The following DST variants were observed in gnomAD, a reference collection of about 807,000 sequenced individuals.
The protein encoded by DST is dystonin, also known as bullous pemphigoid antigen.
Under a neutral mutation model 875.2 loss-of-function variants are expected in DST, and 253 were observed. That is an observed-to-expected ratio of 0.29 (90% CI 0.26 to 0.32). The LOEUF (loss-of-function observed/expected upper bound fraction) is 0.32. DST is among the 10% of genes least tolerant of loss of function. DST has a pLI of 1.00. For synonymous variants in DST, 3,124 were observed against 3,197.1 expected (o/e 0.98, Z 0.77); for missense variants, 8,287 against 9,111.6 (o/e 0.91, Z 3.68).
At chr6:56,920,333 G>A (rs1592499438) in intron 2 of DST, among the ~76,000 whole-genome samples, 1 of 152,150 alleles carries the variant, frequency 6.6e-6, no homozygotes, top group Admixed American at 6.5e-5. Context: ...ATTCTTTTAA[G>A]GGCTTGACCT....
In DST at chr6:56,807,416, T is replaced by C. The variant is rs142657164; in HGVS notation, c.625+43981A>G. Among the ~76,000 whole-genome samples, 6 of 152,244 alleles carry C rather than the reference T, an allele frequency of 3.9e-5. No homozygotes were observed. In the East Asian group the frequency reaches 9.6e-4, roughly 24 times the overall value. Reference sequence around the variant, plus strand: ...TGATAAACTGATTTAAAAATTTACATGGAAATATAAAGGAACAGACTAGCC... The same window carrying C: ...TGATAAACTGATTTAAAAATTTACACGGAAATATAAAGGAACAGACTAGCC... On this transcript the variant is annotated intron_variant, in intron 4 of 103. Transcript: ENST00000680361.
rs1421697257 is a variant in DST, at chr6:56,605,453, C to T, written c.9175G>A (p.Glu3059Lys). The change falls in exon 40 of 104, where the codon GAA becomes AAA. Residue 3059 changes from glutamate to lysine, a missense_variant. Physicochemically the swap from Glu to Lys is moderately conservative, Grantham distance 56 (BLOSUM62 1). This residue lies in a region of DST where 3,138 missense variants were observed against 3,116.6 expected (regional missense o/e 1.01). Coordinates refer to ENST00000680361, the MANE Select transcript of DST (RefSeq NM_001374736.1). ...TCTACTAGACCTTCTACAAGCACTT[C>T]TCCTTCACCCAAGTACATTTTCTGA... ...SIQKMYLGEG[E>K]VLVEGLVEEE... is the part of the protein sequence containing the mutation. 1 of 1,612,962 alleles carries T rather than the reference C, an allele frequency of 6.2e-7. No homozygotes were observed. Among genetic ancestry groups the T allele is most frequent in the African/African-American group, 1.3e-5 (1 of 74,988 alleles).
chr6:56,821,977 G>A (rs896392100), intron 4 of DST, among the ~76,000 whole-genome samples: 5 of 109,512 alleles, frequency 4.6e-5, no homozygotes, highest in South Asian at 2.3e-4. Flanking sequence ...CTTTATCCAC[G>A]TTTATTAAGA....
chr6:56,693,545 T>C (rs1423740936), intron 9 of DST: 2 of 293,544 alleles, frequency 6.8e-6, no homozygotes, highest in Non-Finnish European at 1.0e-5. Flanking sequence ...CACTTAACCT[T>C]TGAAACTATT....
chr6:56,666,016 A>T (rs1280177827), intron 10 of DST, among the ~76,000 whole-genome samples: 1 of 152,192 alleles, frequency 6.6e-6, no homozygotes, highest in Non-Finnish European at 1.5e-5. Context: ...TTCATGGATC[A>T]TTTTTATTCT....
intron 95 of DST, among the ~76,000 whole-genome samples, chr6:56,470,601 G>GT (rs2152395587): frequency 6.6e-6 from 1 of 152,034 alleles, no homozygotes; most frequent in East Asian, 1.9e-4. Flanking sequence ...ATGACATCTA[G>GT]TAACATCTGT....
At chr6:56,632,143 T>A (rs2098786582) in intron 28 of DST, 103 bp from the exon 29 acceptor site, 1 of 785,758 alleles carries the variant, frequency 1.3e-6, no homozygotes, top group South Asian at 1.8e-5. Flanking sequence ...ACACAGCTAG[T>A]CAAGCAAATG....
chr6:56,499,808 T>C (rs1486264822), intron 80 of DST, among the ~76,000 whole-genome samples: 1 of 152,144 alleles, frequency 6.6e-6, no homozygotes, highest in African/African-American at 2.4e-5. Context: ...AGACAGTTGA[T>C]AGGTTTATAA....
intron 33 of DST, 21 bp from the exon 34 acceptor site, chr6:56,627,308 GAAC>G: frequency 6.5e-7 from 1 of 1,544,654 alleles, no homozygotes; most frequent in Non-Finnish European, 8.9e-7. Flanking sequence ...ACACAGTTTA[GAAC>G]AAAAATGACA....
chr6:56,647,961 C>T (rs113587441), intron 13 of DST, among the ~76,000 whole-genome samples: 11,862 of 152,140 alleles, frequency 0.078, 1,474 homozygotes, highest in African/African-American at 0.26. Context: ...GCTGGGATTA[C>T]GGGTGTGACC....
chr6:56,842,450 T>C (rs2099801308), intron 4 of DST, among the ~76,000 whole-genome samples: 1 of 152,206 alleles, frequency 6.6e-6, no homozygotes, highest in African/African-American at 2.4e-5. Context: ...CAGATTGGCA[T>C]AGAATTTCCT....
intron 48 of DST, among the ~76,000 whole-genome samples, chr6:56,593,284 G>A (rs776566672): frequency 3.3e-5 from 5 of 152,054 alleles, no homozygotes; most frequent in African/African-American, 4.8e-5. Flanking sequence ...GGGAAGCCGA[G>A]GTGAGCGGAT....
At chr6:56,871,408 C>G in intron 3 of DST, 1 of 1,557,616 alleles carries the variant, frequency 6.4e-7, no homozygotes, top group South Asian at 1.1e-5. Flanking sequence ...TGTGCCCAGG[C>G]CAAGCAGTGA....
intron 24 of DST, 46 bp from the exon 25 acceptor site, chr6:56,634,999 T>C (rs2098812247): frequency 1.4e-6 from 2 of 1,467,544 alleles, no homozygotes; most frequent in Admixed American, 1.7e-5. Flanking sequence ...AGACTTGTAC[T>C]CTCCATGCCT....
At chr6:56,649,311 T>TA (rs1007460908) in intron 12 of DST, among the ~76,000 whole-genome samples, 1 of 152,112 alleles carries the variant, frequency 6.6e-6, no homozygotes, top group South Asian at 2.1e-4. Context: ...AGTGTTATAA[T>TA]AAAAAAATAC....
At chr6:56,871,247 T>G (rs895544225) in intron 3 of DST, 16 of 773,532 alleles carry the variant, frequency 2.1e-5, no homozygotes, top group Non-Finnish European at 3.3e-5. Flanking sequence ...AATCAAGAGG[T>G]TCAAATCTTC....
chr6:56,843,724 G>GGTGGAGA (rs1315268165), intron 4 of DST: 7 of 331,128 alleles, frequency 2.1e-5, no homozygotes, highest in East Asian at 3.4e-4. Context: ...GAGGGTGGAG[G>GGTGGAGA]GTGGAGAGTG....
At position 56,494,136 on chromosome 6, in the gene DST, A is replaced by G. The variant is rs1016713343; in HGVS notation, c.20268T>C (p.Ser6756=). 1.2e-6 allele frequency: 2 copies of G among 1,610,052 alleles called. No homozygotes were observed. The highest frequency in any genetic ancestry group is 2.7e-5 in the African/African-American group (2 of 74,806). ...AFEAKEETYK[S]LMQKGQQMLA... is the part of the protein sequence containing the mutation. Reference sequence around the variant, plus strand: ...GCATCTGCTGGCCTTTCTGCATCAGACTCTTATATGTTTCTTCTTTAGCTT... The same window carrying G: ...GCATCTGCTGGCCTTTCTGCATCAGGCTCTTATATGTTTCTTCTTTAGCTT... Residue 6756 remains serine (S), a synonymous_variant, in exon 83 of 104, where the codon AGT becomes AGC. Transcript: ENST00000680361.
intron 2 of DST, among the ~76,000 whole-genome samples, chr6:56,950,983 G>C (rs1483033446): frequency 6.6e-6 from 1 of 152,202 alleles, no homozygotes; most frequent in East Asian, 1.9e-4. Context: ...GAGCTCCTCA[G>C]ATGAGGAAGG....
Sources: gnomAD v4.1 joint callset for allele counts (sites outside exome capture counted in the v4.1 genomes callset) on GRCh38, gnomAD v4.1.1 for gene constraint, gnomAD v4.1.1 regional missense constraint, MANE v1.5 for transcripts, NCBI Gene and HGNC (gene_info 2026-07-23, HGNC 2026-07-21) for gene names.